The following PTPRT variants were observed in gnomAD, a reference collection of about 807,000 sequenced individuals.
PTPRT encodes receptor-type tyrosine-protein phosphatase T.
A neutral mutation model predicts 176.8 loss-of-function variants in PTPRT; 56 were observed. That is an observed-to-expected ratio of 0.32 (90% CI 0.26 to 0.40). The LOEUF is 0.40. PTPRT is among the 10% of genes least tolerant of loss of function. The pLI is 1.00. For missense variants in PTPRT, 1,540 were observed against 1,908.2 expected, an observed-to-expected ratio of 0.81 and a Z score of 3.60; for synonymous variants, 783 against 739.0, an observed-to-expected ratio of 1.06 and a Z score of -0.96.
chr20:42,701,089 C>T (rs550984116), intron 6 of PTPRT, among the ~76,000 whole-genome samples: 2 of 152,040 alleles, frequency 1.3e-5, no homozygotes, highest in East Asian at 3.9e-4. Flanking sequence ...CACCTGACAA[C>T]TCAGTTTAGT....
chr20:42,150,980 A>G (rs1989103358), intron 17 of PTPRT, among the ~76,000 whole-genome samples: 1 of 152,220 alleles, frequency 6.6e-6, no homozygotes, highest in South Asian at 2.1e-4. Flanking sequence ...TACAATACCC[A>G]TAGCACCTGG....
intron 1 of PTPRT, among the ~76,000 whole-genome samples, chr20:43,164,121 T>G (rs1413546801): frequency 6.6e-6 from 1 of 152,242 alleles, no homozygotes; most frequent in Non-Finnish European, 1.5e-5. Context: ...AATGATAAAC[T>G]TAATTTTGGA....
intron 9 of PTPRT, among the ~76,000 whole-genome samples, chr20:42,372,669 G>A (rs549432281): frequency 1.3e-5 from 2 of 152,098 alleles, no homozygotes; most frequent in African/African-American, 4.8e-5. Context: ...AAATTCATAC[G>A]TTGAAACCTA....
chr20:42,144,393 G>C (rs756454803), intron 17 of PTPRT, among the ~76,000 whole-genome samples: 68 of 152,244 alleles, frequency 4.5e-4, no homozygotes, highest in Non-Finnish European at 8.2e-4. Context: ...ATGTCCATTA[G>C]ACATCCAAGC....
chr20:42,950,269 T>C (rs1021315498), intron 1 of PTPRT, among the ~76,000 whole-genome samples: 2 of 152,174 alleles, frequency 1.3e-5, no homozygotes. Flanking sequence ...GTGGTTTCTA[T>C]AGAAACAGAA....
intron 1 of PTPRT, among the ~76,000 whole-genome samples, chr20:42,977,758 A>C (rs1186379481): frequency 6.6e-6 from 1 of 152,244 alleles, no homozygotes; most frequent in Non-Finnish European, 1.5e-5. Flanking sequence ...TGAAAGCCAC[A>C]TAATTATTTT....
chr20:42,129,181 A>G (rs1396658198), intron 18 of PTPRT, among the ~76,000 whole-genome samples: 1 of 152,194 alleles, frequency 6.6e-6, no homozygotes, highest in Non-Finnish European at 1.5e-5. Context: ...AGGACAGGAG[A>G]GTGTTGCATC....
chr20:42,284,935 T>G (rs2057204117), intron 12 of PTPRT, among the ~76,000 whole-genome samples: 1 of 151,220 alleles, frequency 6.6e-6, no homozygotes. Context: ...ATAACAAAGT[T>G]TTTTCAGAGA....
At chr20:43,152,083 G>A (rs576370116) in intron 1 of PTPRT, among the ~76,000 whole-genome samples, 28 of 151,988 alleles carry the variant, frequency 1.8e-4, no homozygotes, top group East Asian at 1.9e-4. Flanking sequence ...TTCATTCCTC[G>A]TCATGGAAAC....
intron 1 of PTPRT, among the ~76,000 whole-genome samples, chr20:42,959,049 A>G (rs1981837436): frequency 6.6e-6 from 1 of 152,204 alleles, no homozygotes; most frequent in Non-Finnish European, 1.5e-5. Flanking sequence ...CTTTTATAGA[A>G]TGTAACTTAA....
chr20:42,268,996 G>A (rs959878338), intron 13 of PTPRT, among the ~76,000 whole-genome samples: 28 of 152,206 alleles, frequency 1.8e-4, no homozygotes, highest in African/African-American at 6.8e-4. Context: ...GCAGCCCACA[G>A]CCAGTGGCTG....
At chr20:42,504,669 T>C (rs115901273) in intron 7 of PTPRT, among the ~76,000 whole-genome samples, 2,953 of 152,248 alleles carry the variant, frequency 0.019, 107 homozygotes, top group African/African-American at 0.068. Context: ...TTGTATAATT[T>C]GGATTTTGTT....
At chr20:42,257,623 A>T in intron 13 of PTPRT, among the ~76,000 whole-genome samples, 1 of 119,468 alleles carries the variant, frequency 8.4e-6, no homozygotes, top group East Asian at 2.6e-4. Context: ...GTCATTTAAA[A>T]GTGTGTAGCA....
chr20:42,332,065 T>G (rs927127796), intron 11 of PTPRT, among the ~76,000 whole-genome samples: 10 of 152,264 alleles, frequency 6.6e-5, no homozygotes, highest in African/African-American at 2.4e-4. Flanking sequence ...AAGAAGGTCC[T>G]CGATGAAGCA....
At chr20:42,749,425 T>C (rs1369955359) in intron 6 of PTPRT, among the ~76,000 whole-genome samples, 1 of 152,184 alleles carries the variant, frequency 6.6e-6, no homozygotes, top group Non-Finnish European at 1.5e-5. Flanking sequence ...TTCCAACCTC[T>C]GTACACCTTT....
At chr20:42,838,399 C>T (rs2078218918) in intron 2 of PTPRT, among the ~76,000 whole-genome samples, 1 of 152,346 alleles carries the variant, frequency 6.6e-6, no homozygotes, top group South Asian at 2.1e-4. Flanking sequence ...GCCCTTGCCC[C>T]TCTGGGTACC....
At chr20:42,883,451 G>A (rs1194042592) in intron 2 of PTPRT, among the ~76,000 whole-genome samples, 2 of 152,048 alleles carry the variant, frequency 1.3e-5, no homozygotes, top group Non-Finnish European at 2.9e-5. Flanking sequence ...CCAGTAGGGT[G>A]AAGTGAGCTT....
At chr20:42,346,029 G>T (rs1305174597) in intron 11 of PTPRT, among the ~76,000 whole-genome samples, 1 of 152,132 alleles carries the variant, frequency 6.6e-6, no homozygotes, top group Non-Finnish European at 1.5e-5. Flanking sequence ...TTCAGTGGGG[G>T]GTGGATTGAA....
At chr20:42,315,092 T>C (rs2081790550) in intron 12 of PTPRT, among the ~76,000 whole-genome samples, 1 of 137,306 alleles carries the variant, frequency 7.3e-6, no homozygotes, top group South Asian at 2.2e-4. Context: ...ATGGTTACCT[T>C]GCGTGAACCC....
Sources: gnomAD v4.1 joint callset for allele counts (sites outside exome capture counted in the v4.1 genomes callset) on GRCh38, gnomAD v4.1.1 for gene constraint, MANE v1.5 for transcripts, NCBI Gene and HGNC (gene_info 2026-07-23, HGNC 2026-07-21) for gene names.